KHK: variants seen among roughly 807,000 people sequenced by gnomAD.
KHK encodes ketohexokinase.
KHK carries 37 observed loss-of-function variants against 36.0 expected under a neutral mutation model. The ratio of observed to expected loss-of-function variants is 1.03; its 90% CI spans 0.79 to 1.35. KHK has a LOEUF of 1.35. Ranked by LOEUF, KHK falls within the 40% of genes most tolerant of loss-of-function variation. KHK has a pLI of 0.00. For synonymous variants in KHK, 161 were observed against 162.8 expected (o/e 0.99, Z 0.08); for missense variants, 395 against 391.9 (o/e 1.01, Z -0.07).
chr2:27,097,508 G>GA lies in KHK; in HGVS notation c.425dup (p.Asn142LysfsTer86). 3 of 1,613,598 alleles carry GA rather than the reference G, an allele frequency of 1.9e-6. No individual in the cohort carries two copies. The highest frequency in any genetic ancestry group is 2.5e-6 in the Non-Finnish European group (3 of 1,180,028). ...GCTGCCCTGTCCTGTACCAGGGCCG[G>GA]AACGCATCGGAGCAGGTGAAGATGC... On this transcript the variant is annotated frameshift_variant, in exon 5 of 8. Transcript: ENST00000260598. LOFTEE classifies it high-confidence loss of function.
At chr2:27,090,256 C>A (rs1202032345) in intron 1 of KHK, among the ~76,000 whole-genome samples, 1 of 152,206 alleles carries the variant, frequency 6.6e-6, no homozygotes, top group African/African-American at 2.4e-5. Context: ...TTGGGCCTAA[C>A]AACTTTTAGT....
Position 27,100,039 on chromosome 2 carries a change from C to T in KHK, c.*289C>T. ...AGGCTCTGACTCTTCGATCCTCCCT[C>T]TTTGTGTCCATTCCCCAAATTAACC... On this transcript the variant is annotated 3_prime_UTR_variant, in exon 8 of 8. Coordinates refer to ENST00000260598, the MANE Select transcript of KHK (RefSeq NM_006488.3). 1.5e-6 allele frequency: 1 copy of T among 646,624 alleles called. No individual in the cohort carries two copies. Among genetic ancestry groups the T allele is most frequent in the Non-Finnish European group, 2.7e-6 (1 of 372,022 alleles). 40.1% of individuals were successfully genotyped at this position (646,624 alleles called of 1,614,324 possible).
chr2:27,097,640 C>A lies in KHK; in HGVS notation c.555C>A (p.Tyr185Ter). 1.2e-6 allele frequency: 2 copies of A among 1,614,076 alleles called. No homozygotes were observed. Among genetic ancestry groups the A allele is most frequent in the Non-Finnish European group, 1.7e-6 (2 of 1,180,038 alleles). ...PREELFQLFG[Y>*]GDVVFVSKDV... ...AGGAGCTCTTCCAGCTGTTTGGCTA[C>A]GGAGACGTGGTGGGTGCCCCATTCA... Residue 185 changes from tyrosine to a stop codon, truncating the protein, a stop_gained, in exon 5 of 8, where the codon TAC becomes TAA. Transcript: ENST00000260598. LOFTEE classifies it high-confidence loss of function.
Position 27,099,429 on chromosome 2 carries a change from T to C in KHK, c.663T>C (p.Leu221=), listed in dbSNP as rs749887208. Residue 221 remains leucine, a synonymous_variant, in exon 7 of 8, where the codon CTT becomes CTC. Coordinates refer to ENST00000260598, the MANE Select transcript of KHK (RefSeq NM_006488.3). The part of the protein sequence containing the change: ...LYGRVRKGAV[L]VCAWAEEGAD... ...TGGAGCCGTCTTGCAGGGCTGTGCT[T>C]GTCTGTGCCTGGGCTGAGGAGGGCG... 6.2e-7 allele frequency: 1 copy of C among 1,613,774 alleles called. No individual in the cohort carries two copies. Among genetic ancestry groups the C allele is most frequent in the East Asian group, 2.2e-5 (1 of 44,842 alleles).
intron 6 of KHK, 44 bp downstream of exon 6, chr2:27,099,328 G>A: frequency 1.9e-6 from 3 of 1,613,302 alleles, no homozygotes; most frequent in Non-Finnish European, 2.5e-6. Flanking sequence ...GGTACAGGAT[G>A]AGCCTGGACT....
intron 2 of KHK, chr2:27,094,309 T>C: frequency 1.3e-6 from 1 of 782,384 alleles, no homozygotes; most frequent in African/African-American, 1.7e-5. Flanking sequence ...CTCCTGCATC[T>C]CCTGCCCTGT....
chr2:27,096,103 T>A (rs1054554053), intron 3 of KHK, among the ~76,000 whole-genome samples: 20 of 152,174 alleles, frequency 1.3e-4, no homozygotes, highest in Non-Finnish European at 2.8e-4. Context: ...GTGGAAGGAC[T>A]CGGCTACAGA....
intron 3 of KHK, among the ~76,000 whole-genome samples, chr2:27,095,166 AAAG>A (rs1670260113): frequency 6.6e-6 from 1 of 152,226 alleles, no homozygotes; most frequent in African/African-American, 2.4e-5. Context: ...GGTCAACACC[AAAG>A]AAGGGCAGGC....
At chr2:27,096,693 C>T (rs1218449931) in intron 3 of KHK, 36 bp from the exon 4 acceptor site, 2 of 1,569,576 alleles carry the variant, frequency 1.3e-6, no homozygotes, top group East Asian at 2.2e-5. Context: ...CCCCATCATG[C>T]TCCTTCTTCT....
At chr2:27,094,372 C>T (rs1302005414) in intron 2 of KHK, 4 of 1,384,814 alleles carry the variant, frequency 2.9e-6, no homozygotes, top group Non-Finnish European at 4.1e-6. Context: ...GCCCCCTTTG[C>T]TTGCACCCCT....
At chr2:27,096,632 G>C in intron 3 of KHK, 97 bp from the exon 4 acceptor site, 1 of 928,776 alleles carries the variant, frequency 1.1e-6, no homozygotes. Context: ...GCTGCCAGCA[G>C]TGCAGGCACA....
chr2:27,088,589 T>G (rs1451644571), intron 1 of KHK, among the ~76,000 whole-genome samples: 2 of 152,164 alleles, frequency 1.3e-5, no homozygotes. Context: ...ATTTTTTTTT[T>G]CTTTTGTAGA....
At chr2:27,091,339 T>C (rs1200646851) in intron 1 of KHK, among the ~76,000 whole-genome samples, 2 of 152,168 alleles carry the variant, frequency 1.3e-5, no homozygotes, top group Admixed American at 6.5e-5. Flanking sequence ...TCCTCCTGCT[T>C]TGGCCTCCCA....
chr2:27,098,646 T>C (rs1293559495), intron 5 of KHK, among the ~76,000 whole-genome samples: 2 of 152,148 alleles, frequency 1.3e-5, no homozygotes, highest in African/African-American at 4.8e-5. Context: ...CAAAACTTTC[T>C]CTGGAGATTC....
In KHK at chr2:27,094,917, C is replaced by A; in HGVS notation, c.327C>A (p.Thr109=). Reference sequence around the variant, plus strand: ...TCAACAACTCCAATGGCAACCGTACCATTGTGCTCCATGACACGTAAGGCC... The same window carrying A: ...TCAACAACTCCAATGGCAACCGTACAATTGTGCTCCATGACACGTAAGGCC... ...CIINNSNGNR[T]IVLHDTSLPD... is the part of the protein sequence containing the mutation. The change falls in exon 3 of 8, where the codon ACC becomes ACA. Residue 109 remains threonine (T), a synonymous_variant. Transcript: ENST00000260598. 6.2e-7 allele frequency: 1 copy of A among 1,613,972 alleles called. No individual in the cohort carries two copies. The highest frequency in any genetic ancestry group is 8.5e-7 in the Non-Finnish European group (1 of 1,180,040).
intron 5 of KHK, chr2:27,098,932 C>A: frequency 2.2e-6 from 1 of 462,220 alleles, no homozygotes; most frequent in Non-Finnish European, 4.0e-6. Flanking sequence ...GGTGCAGTGA[C>A]TCACACCTGT....
chr2:27,100,459 T>C lies in KHK; in HGVS notation c.*709T>C, dbSNP rs1670750206. ...CCTCAGCCACAAATGTGACCCAGGA[T>C]ACAGAGTGTTGCTGTCCTCAGGGAG... is the stretch of plus-strand genomic sequence containing the variant. On this transcript the variant is annotated 3_prime_UTR_variant, in exon 8 of 8. Coordinates refer to ENST00000260598, the MANE Select transcript of KHK (RefSeq NM_006488.3). 1.5e-6 allele frequency: 2 copies of C among 1,291,048 alleles called. No individual in the cohort carries two copies. Among genetic ancestry groups the C allele is most frequent in the Non-Finnish European group, 2.0e-6 (2 of 988,862 alleles). 80.0% of individuals were successfully genotyped at this position (1,291,048 alleles called of 1,614,324 possible). A position where few individuals can be genotyped will look rare whatever the true frequency, so the allele number is the denominator to read the frequency against.
chr2:27,097,453 G>T, intron 4 of KHK, 50 bp from the exon 5 acceptor site: 1 of 1,610,290 alleles, frequency 6.2e-7, no homozygotes, highest in Non-Finnish European at 8.5e-7. Context: ...GAATGAGGCA[G>T]ATTGGCCAGG....
chr2:27,091,163 C>G (rs553097338), intron 1 of KHK, among the ~76,000 whole-genome samples: 40 of 152,396 alleles, frequency 2.6e-4, no homozygotes, highest in African/African-American at 9.4e-4. Context: ...TCACCCCAGC[C>G]TAAACCTCCC....
Sources: gnomAD v4.1 joint callset for allele counts (sites outside exome capture counted in the v4.1 genomes callset) on GRCh38, gnomAD v4.1.1 for gene constraint, MANE v1.5 for transcripts, NCBI Gene and HGNC (gene_info 2026-07-23, HGNC 2026-07-21) for gene names.